The following NRXN3 variants were observed in gnomAD, a reference collection of about 807,000 sequenced individuals.
NRXN3 encodes the protein neurexin III.
A neutral mutation model predicts 137.6 loss-of-function variants in NRXN3; 32 were observed. The observed-to-expected ratio is 0.23, with a 90% CI of 0.18 to 0.31. NRXN3 has a LOEUF of 0.31. Among genes scored for constraint, NRXN3 ranks in the 10% least tolerant of loss-of-function variants. The probability of loss-of-function intolerance (pLI) is 1.00; values close to 1 mark genes in which losing one functional copy is unlikely to be tolerated. For synonymous variants in NRXN3, 798 were observed against 784.5 expected (o/e 1.02, Z -0.29); for missense variants, 1,574 against 2,062.5 (o/e 0.76, Z 4.59).
chr14:79,433,430 C>T (rs2095795606), intron 15 of NRXN3, among the ~76,000 whole-genome samples: 1 of 152,070 alleles, frequency 6.6e-6, no homozygotes, highest in Non-Finnish European at 1.5e-5. Flanking sequence ...AGGTTTTGCC[C>T]CTCTTAACTC....
intron 4 of NRXN3, among the ~76,000 whole-genome samples, chr14:78,369,765 G>T (rs1336132123): frequency 1.3e-5 from 2 of 152,054 alleles, no homozygotes; most frequent in Non-Finnish European, 2.9e-5. Context: ...TCACTTTGCT[G>T]CAGGGCTTAA....
At chr14:79,403,457 CTGTGGACTCTGTCACCCTG>C (rs2095251649) in intron 15 of NRXN3, among the ~76,000 whole-genome samples, 1 of 152,176 alleles carries the variant, frequency 6.6e-6, no homozygotes, top group Non-Finnish European at 1.5e-5. Context: ...GAACAAGAGT[CTGTGGACTCTGTCACCCTG>C]TTACTCCCTC....
At chr14:79,501,745 GA>G (rs5809937) in intron 16 of NRXN3, among the ~76,000 whole-genome samples, 69,769 of 145,114 alleles carry the variant, frequency 0.48, 17,585 homozygotes, top group African/African-American at 0.7. Flanking sequence ...TTCCCTCTAG[GA>G]AAAAAAAAAA....
intron 15 of NRXN3, among the ~76,000 whole-genome samples, chr14:79,041,605 A>G (rs2099625142): frequency 6.6e-6 from 1 of 152,164 alleles, no homozygotes; most frequent in Non-Finnish European, 1.5e-5. Flanking sequence ...TATTATTATA[A>G]AAATACCTGA....
At chr14:78,751,391 G>A (rs1281712255) in intron 8 of NRXN3, among the ~76,000 whole-genome samples, 1 of 152,152 alleles carries the variant, frequency 6.6e-6, no homozygotes, top group Middle Eastern at 3.2e-3. Flanking sequence ...TGCACTTGGG[G>A]ATAGATTAAC....
At chr14:78,352,823 A>C (rs1317726468) in intron 4 of NRXN3, among the ~76,000 whole-genome samples, 4 of 152,224 alleles carry the variant, frequency 2.6e-5, no homozygotes, top group Non-Finnish European at 5.9e-5. Context: ...GCTTGCTGTC[A>C]TCAGGAAGGC....
At chr14:79,414,685 A>T (rs1030611500) in intron 15 of NRXN3, among the ~76,000 whole-genome samples, 6 of 152,064 alleles carry the variant, frequency 3.9e-5, no homozygotes, top group African/African-American at 1.4e-4. Context: ...CCATCACCTC[A>T]CATAGCTACC....
intron 4 of NRXN3, among the ~76,000 whole-genome samples, chr14:78,572,719 C>G (rs2096901215): frequency 6.6e-6 from 1 of 152,184 alleles, no homozygotes. Context: ...CCAGAGTTTT[C>G]TATCCTTCCA....
chr14:78,368,585 C>A (rs986880382), intron 4 of NRXN3, among the ~76,000 whole-genome samples: 2 of 152,138 alleles, frequency 1.3e-5, no homozygotes, highest in Non-Finnish European at 2.9e-5. Flanking sequence ...ATTCCAGCTA[C>A]TCAAGAGGCT....
chr14:79,271,004 C>T (rs1442390471), intron 15 of NRXN3, among the ~76,000 whole-genome samples: 1 of 152,174 alleles, frequency 6.6e-6, no homozygotes, highest in African/African-American at 2.4e-5. Context: ...CTCAAATTCT[C>T]TGTTAAGTAA....
intron 4 of NRXN3, among the ~76,000 whole-genome samples, chr14:78,389,791 C>A (rs2090513222): frequency 6.6e-6 from 1 of 152,040 alleles, no homozygotes; most frequent in South Asian, 2.1e-4. Flanking sequence ...ATGATTTCTT[C>A]AGTTGCTTTT....
At chr14:79,243,931 C>A (rs569964126) in intron 15 of NRXN3, among the ~76,000 whole-genome samples, 1 of 152,224 alleles carries the variant, frequency 6.6e-6, no homozygotes, top group Non-Finnish European at 1.5e-5. Context: ...GGCTCCAGAT[C>A]CCAGCTTTTA....
intron 4 of NRXN3, among the ~76,000 whole-genome samples, chr14:78,556,396 C>G (rs537235255): frequency 4.6e-5 from 7 of 152,300 alleles, no homozygotes; most frequent in Non-Finnish European, 7.4e-5. Context: ...GTAAATCAAG[C>G]ACTGCATTTT....
intron 4 of NRXN3, among the ~76,000 whole-genome samples, chr14:78,308,528 C>T (rs1320277747): frequency 2.6e-5 from 4 of 152,146 alleles, no homozygotes; most frequent in African/African-American, 9.6e-5. Context: ...GATTATTAAA[C>T]GAATGATGTG....
intron 15 of NRXN3, among the ~76,000 whole-genome samples, chr14:79,285,258 C>T (rs1182746038): frequency 6.6e-6 from 1 of 152,160 alleles, no homozygotes; most frequent in Non-Finnish European, 1.5e-5. Context: ...TGATTGCTTT[C>T]ACCTCAGATT....
intron 16 of NRXN3, among the ~76,000 whole-genome samples, chr14:79,486,069 A>G (rs1416139458): frequency 6.6e-6 from 1 of 152,092 alleles, no homozygotes; most frequent in Non-Finnish European, 1.5e-5. Context: ...GTGGCTTAAA[A>G]TTAAGAAACA....
At chr14:78,625,159 A>T (rs2097445361) in intron 4 of NRXN3, among the ~76,000 whole-genome samples, 1 of 152,238 alleles carries the variant, frequency 6.6e-6, no homozygotes, top group Non-Finnish European at 1.5e-5. Context: ...TATCTTTAAA[A>T]TGAGGGCATT....
intron 8 of NRXN3, among the ~76,000 whole-genome samples, chr14:78,717,010 G>A (rs2098437086): frequency 6.6e-6 from 1 of 152,130 alleles, no homozygotes; most frequent in Non-Finnish European, 1.5e-5. Context: ...TGCTGGTTGG[G>A]GAAGATAGAA....
intron 4 of NRXN3, among the ~76,000 whole-genome samples, chr14:78,456,227 C>G (rs2094696953): frequency 6.6e-6 from 1 of 152,148 alleles, no homozygotes; most frequent in Non-Finnish European, 1.5e-5. Flanking sequence ...TCAGAGGCTC[C>G]AAGTGGCAGC....
Sources: allele counts gnomAD v4.1 joint callset (sites outside exome capture counted in the v4.1 genomes callset), GRCh38; gene constraint gnomAD v4.1.1; transcripts MANE v1.5; gene names NCBI Gene and HGNC (gene_info 2026-07-23, HGNC 2026-07-21).